Variants in NLN observed in about 807,000 individuals in gnomAD.
NLN encodes the protein neurolysin.
NLN carries 64 observed loss-of-function variants against 79.9 expected under a neutral mutation model. The ratio of observed to expected loss-of-function variants is 0.80; its 90% CI spans 0.65 to 0.99. NLN has a LOEUF of 0.99. NLN is among the 50% of genes least tolerant of loss of function. The pLI is 0.00. For synonymous variants in NLN, 267 were observed against 296.6 expected, an observed-to-expected ratio of 0.90 and a Z score of 1.02; for missense variants, 835 against 858.7, an observed-to-expected ratio of 0.97 and a Z score of 0.34.
Position 65,733,362 on chromosome 5 carries a change from C to T in NLN, c.41+10948C>T, listed in dbSNP as rs888855025. 68 of 1,508,826 alleles carry T rather than the reference C, an allele frequency of 4.5e-5. 11 individuals are homozygous for T. Among genetic ancestry groups the T allele is most frequent in the Non-Finnish European group, 3.1e-5 (34 of 1,099,222 alleles). 93.5% of individuals were successfully genotyped at this position (1,508,826 alleles called of 1,614,324 possible). On this transcript the variant is annotated intron_variant, in intron 1 of 12. Transcript: ENST00000380985. ...CCTGCCTGCCCTGAGCCACTGCTCCCAGCTCACCACCTTCTACTTTCATGG... is the reference window on the plus strand; with the variant it reads ...CCTGCCTGCCCTGAGCCACTGCTCCTAGCTCACCACCTTCTACTTTCATGG...
intron 1 of NLN, among the ~76,000 whole-genome samples, chr5:65,750,957 A>C (rs1759089362): frequency 6.6e-6 from 1 of 152,166 alleles, no homozygotes; most frequent in Non-Finnish European, 1.5e-5. Flanking sequence ...TTTAGTCAAA[A>C]CAATGGCTAG....
At chr5:65,737,072 T>G (rs1191868029) in intron 1 of NLN, among the ~76,000 whole-genome samples, 1 of 152,104 alleles carries the variant, frequency 6.6e-6, no homozygotes, top group Non-Finnish European at 1.5e-5. Flanking sequence ...GCTGCTGCAC[T>G]CCAGCCTATG....
At chr5:65,731,152 T>A (rs2591942) in intron 1 of NLN, among the ~76,000 whole-genome samples, 4 of 152,124 alleles carry the variant, frequency 2.6e-5, no homozygotes, top group African/African-American at 7.2e-5. Context: ...CCCTCTTTCC[T>A]GTGACGTCTC....
At chr5:65,798,907 G>T (rs55881850) in intron 9 of NLN, among the ~76,000 whole-genome samples, 21,751 of 152,048 alleles carry the variant, frequency 0.14, 1,765 homozygotes, top group African/African-American at 0.22. Context: ...TGGAGACAGG[G>T]TCTCACTCTG....
chr5:65,755,685 G>C (rs1759201730), intron 1 of NLN, among the ~76,000 whole-genome samples: 6 of 152,072 alleles, frequency 3.9e-5, no homozygotes, highest in Admixed American at 3.9e-4. Context: ...CCATTAGTTA[G>C]CATATAACTC....
chr5:65,798,581 T>G (rs1205661955), intron 9 of NLN, among the ~76,000 whole-genome samples: 1 of 152,242 alleles, frequency 6.6e-6, no homozygotes, highest in Non-Finnish European at 1.5e-5. Flanking sequence ...TTGTGGCCTC[T>G]GCTGTCACCC....
At chr5:65,752,747 A>G (rs1011655031) in intron 1 of NLN, among the ~76,000 whole-genome samples, 10 of 152,244 alleles carry the variant, frequency 6.6e-5, no homozygotes, top group Non-Finnish European at 4.4e-5. Context: ...GATAATGCAG[A>G]AAGAAAGTAC....
chr5:65,809,704 A>T lies in NLN; in HGVS notation c.1714+3A>T. On this transcript the variant is annotated splice_donor_region_variant and intron_variant, in intron 10 of 12. Coordinates refer to ENST00000380985, the MANE Select transcript of NLN (RefSeq NM_020726.5). ...TGCTTCTAGGCTGGTCAACACAGGT[A>T]TGACTTCTAATTTTAAAAAGGAAAA... 1 of 1,564,036 alleles carries T rather than the reference A, an allele frequency of 6.4e-7. No individual in the cohort carries two copies. Among genetic ancestry groups the T allele is most frequent in the Non-Finnish European group, 8.6e-7 (1 of 1,158,492 alleles).
chr5:65,785,971 C>T, intron 7 of NLN, 61 bp downstream of exon 7: 4 of 1,480,904 alleles, frequency 2.7e-6, no homozygotes, highest in East Asian at 2.3e-5. Context: ...AGACAGAAGG[C>T]CTCAGAACAT....
intron 1 of NLN, among the ~76,000 whole-genome samples, chr5:65,724,053 A>C (rs565701482): frequency 7.2e-6 from 1 of 138,712 alleles, no homozygotes; most frequent in Non-Finnish European, 1.6e-5. Flanking sequence ...TTCCAAACCA[A>C]CCCCCCCGCC....
intron 9 of NLN, 28 bp from the exon 10 acceptor site, chr5:65,809,487 A>T: frequency 6.4e-7 from 1 of 1,554,696 alleles, no homozygotes; most frequent in Non-Finnish European, 8.7e-7. Flanking sequence ...TGAGTTCTTT[A>T]AAAAAATTCT....
chr5:65,816,092 A>G (rs1171688842), intron 12 of NLN, among the ~76,000 whole-genome samples: 5 of 152,252 alleles, frequency 3.3e-5, no homozygotes, highest in Non-Finnish European at 1.5e-5. Flanking sequence ...AGTGCAGCCA[A>G]GAAAAAGAAC....
rs1245850047 is a variant in NLN at position 65,828,650 on chromosome 5, G to A, written c.*5735G>A. The stretch of plus-strand genomic sequence containing the variant: ...GAAGCTGTTTCTAATACTTTTTGTT[G>A]GTTAAAAATACATTCCGCTGCTGTG... On this transcript the variant is annotated 3_prime_UTR_variant, in exon 13 of 13. Coordinates refer to ENST00000380985, the MANE Select transcript of NLN (RefSeq NM_020726.5). 2 of 152,212 alleles carry A rather than the reference G, an allele frequency of 1.3e-5. No individual in the cohort carries two copies. Among genetic ancestry groups the A allele is most frequent in the African/African-American group, 4.8e-5 (2 of 41,464 alleles). The allele number at this position is 152,212 out of a possible 1,614,324, so 9.4% of individuals were successfully genotyped here. A position where few individuals can be genotyped will look rare whatever the true frequency, so the allele number is the denominator to read the frequency against.
chr5:65,790,956 G>C (rs1325682426), intron 8 of NLN, among the ~76,000 whole-genome samples: 1 of 152,090 alleles, frequency 6.6e-6, no homozygotes, highest in Non-Finnish European at 1.5e-5. Context: ...TGAGAGATCT[G>C]GTCATTGCTA....
At chr5:65,820,261 A>G (rs2561191) in intron 12 of NLN, among the ~76,000 whole-genome samples, 111,536 of 152,212 alleles carry the variant, frequency 0.73, 41,390 homozygotes, top group African/African-American at 0.84. Flanking sequence ...TTTAATAAAT[A>G]AAAGATACAT....
Position 65,810,279 on chromosome 5 carries a change from G to A in NLN, c.1843+114G>A, listed in dbSNP as rs76471783. The A allele has an allele frequency of 7.5e-3, 6,799 of 912,206 alleles. 53 individuals are homozygous for A. The highest frequency in any genetic ancestry group is 0.01 in the Non-Finnish European group (5,916 of 588,312). 56.5% of individuals were successfully genotyped at this position (912,206 alleles called of 1,614,324 possible). On this transcript the variant is annotated intron_variant, in intron 11 of 12. Transcript: ENST00000380985. ...GATTACCTAATTGTTTCTGATTTCT[G>A]TAATCAGGCCATGACTTTCAGATAA...
At chr5:65,768,222 C>T (rs764889744) in intron 3 of NLN, among the ~76,000 whole-genome samples, 22 of 152,066 alleles carry the variant, frequency 1.4e-4, no homozygotes, top group Admixed American at 2.6e-4. Context: ...ATAAAGAATA[C>T]CTGAGACTAG....
At chr5:65,807,890 A>G (rs1431888472) in intron 9 of NLN, among the ~76,000 whole-genome samples, 1 of 152,226 alleles carries the variant, frequency 6.6e-6, no homozygotes, top group African/African-American at 2.4e-5. Flanking sequence ...CTGGAACTAA[A>G]CCCACAATAT....
At chr5:65,763,569 G>C (rs1376039403) in intron 3 of NLN, among the ~76,000 whole-genome samples, 1 of 151,980 alleles carries the variant, frequency 6.6e-6, no homozygotes, top group African/African-American at 2.4e-5. Context: ...AAATGTTCTA[G>C]GTGGGTCTGT....
Sources: gnomAD v4.1 joint callset for allele counts (sites outside exome capture counted in the v4.1 genomes callset) on GRCh38, gnomAD v4.1.1 for gene constraint, MANE v1.5 for transcripts, NCBI Gene and HGNC (gene_info 2026-07-23, HGNC 2026-07-21) for gene names.